The following DPY19L3 variants were observed in gnomAD, a reference collection of about 807,000 sequenced individuals.
DPY19L3 encodes dpy-19 like C-mannosyltransferase 3.
Under a neutral mutation model 92.3 loss-of-function variants are expected in DPY19L3, and 51 were observed. The observed-to-expected ratio is 0.55, with a 90% confidence interval of 0.44 to 0.70. DPY19L3 has a LOEUF of 0.70. DPY19L3 is among the 30% of genes least tolerant of loss of function. DPY19L3 has a pLI of 0.00. For synonymous variants in DPY19L3, 309 were observed against 315.2 expected, an observed-to-expected ratio of 0.98 and a Z score of 0.21; for missense variants, 706 against 855.9, an observed-to-expected ratio of 0.82 and a Z score of 2.18.
chr19:32,471,563 C>T (rs1013587819), intron 16 of DPY19L3, among the ~76,000 whole-genome samples: 59 of 152,282 alleles, frequency 3.9e-4, no homozygotes, highest in African/African-American at 1.4e-3. Flanking sequence ...CTTATCCATC[C>T]TCTTCATCAC....
intron 16 of DPY19L3, among the ~76,000 whole-genome samples, chr19:32,470,722 C>T (rs1970331334): frequency 6.6e-6 from 1 of 150,686 alleles, no homozygotes; most frequent in Admixed American, 6.6e-5. Flanking sequence ...TCCTCAGACC[C>T]TCCTTTTGCT....
At chr19:32,410,500 C>T (rs888829322) in intron 2 of DPY19L3, among the ~76,000 whole-genome samples, 1 of 152,142 alleles carries the variant, frequency 6.6e-6, no homozygotes, top group Non-Finnish European at 1.5e-5. Flanking sequence ...GGTAATCGGC[C>T]AGGTGCAGTG....
chr19:32,428,711 TG>T (rs1246210710), intron 3 of DPY19L3, among the ~76,000 whole-genome samples: 3 of 152,268 alleles, frequency 2.0e-5, no homozygotes, highest in African/African-American at 7.2e-5. Flanking sequence ...GCAACTTGTC[TG>T]AGTGCCTGTG....
intron 3 of DPY19L3, 106 bp from the exon 4 acceptor site, chr19:32,432,610 G>T: frequency 2.2e-6 from 2 of 898,114 alleles, no homozygotes. Context: ...TATATTTTCA[G>T]AGTTTTTTCT....
chr19:32,465,528 T>G (rs949663203), intron 15 of DPY19L3, among the ~76,000 whole-genome samples: 19 of 152,294 alleles, frequency 1.2e-4, no homozygotes, highest in African/African-American at 4.6e-4. Context: ...TAAATTTTAC[T>G]TTAAGTTAAA....
intron 12 of DPY19L3, among the ~76,000 whole-genome samples, chr19:32,458,965 T>G (rs1969956018): frequency 6.6e-6 from 1 of 152,226 alleles, no homozygotes; most frequent in South Asian, 2.1e-4. Context: ...GTTTCCATTA[T>G]TAGCATCCTG....
At chr19:32,445,822 G>A (rs142622715) in intron 8 of DPY19L3, among the ~76,000 whole-genome samples, 7 of 152,166 alleles carry the variant, frequency 4.6e-5, no homozygotes, top group Non-Finnish European at 8.8e-5. Flanking sequence ...CCAACATGGC[G>A]AAACCCCATC....
intron 2 of DPY19L3, among the ~76,000 whole-genome samples, chr19:32,409,263 A>G (rs1335174269): frequency 6.6e-6 from 1 of 152,222 alleles, no homozygotes; most frequent in African/African-American, 2.4e-5. Context: ...CTGCACATGT[A>G]TACCCATAAG....
chr19:32,477,110 TAGC>T (rs1435138698), intron 16 of DPY19L3, among the ~76,000 whole-genome samples: 1 of 152,156 alleles, frequency 6.6e-6, no homozygotes, highest in Non-Finnish European at 1.5e-5. Flanking sequence ...TCTGGAACAA[TAGC>T]AGGAGAGGAT....
chr19:32,406,839 A>T (rs193199278), intron 1 of DPY19L3, among the ~76,000 whole-genome samples: 4 of 152,132 alleles, frequency 2.6e-5, no homozygotes, highest in African/African-American at 7.2e-5. Flanking sequence ...TGAATTGTTT[A>T]AAAAAGTCCT....
intron 8 of DPY19L3, among the ~76,000 whole-genome samples, chr19:32,448,225 T>C (rs548859537): frequency 6.5e-4 from 99 of 152,310 alleles, no homozygotes; most frequent in African/African-American, 2.1e-3. Context: ...GAATGAGTCA[T>C]ATGTGGGTCG....
chr19:32,441,494 C>CTTTTTTTTTT (rs11326098), intron 8 of DPY19L3, among the ~76,000 whole-genome samples: 2 of 130,212 alleles, frequency 1.5e-5, no homozygotes, highest in Non-Finnish European at 1.6e-5. Flanking sequence ...ACATGTGTCT[C>CTTTTTTTTTT]TTTTTTTTTT....
chr19:32,446,025 G>A (rs1426568579), intron 8 of DPY19L3, among the ~76,000 whole-genome samples: 3 of 152,084 alleles, frequency 2.0e-5, no homozygotes, highest in Admixed American at 2.0e-4. Context: ...ATATTTGATA[G>A]CTGAAGCAAA....
intron 3 of DPY19L3, among the ~76,000 whole-genome samples, chr19:32,425,090 A>G (rs759854352): frequency 4.6e-5 from 7 of 152,268 alleles, no homozygotes; most frequent in Non-Finnish European, 7.3e-5. Flanking sequence ...AAGATGGATC[A>G]TAGGCCTAAA....
chr19:32,475,859 G>A (rs765501335), intron 16 of DPY19L3, among the ~76,000 whole-genome samples: 9 of 152,196 alleles, frequency 5.9e-5, no homozygotes, highest in Non-Finnish European at 1.3e-4. Flanking sequence ...AAGCTCTCAA[G>A]TGCAGCCAAG....
At chr19:32,437,850 T>G (rs1479498749) in intron 6 of DPY19L3, among the ~76,000 whole-genome samples, 1 of 152,084 alleles carries the variant, frequency 6.6e-6, no homozygotes, top group Non-Finnish European at 1.5e-5. Context: ...TTGTTTTTGT[T>G]TTTTGTAGAG....
chr19:32,410,874 G>A lies in DPY19L3; in HGVS notation c.104-365G>A, dbSNP rs187772601. Among the ~76,000 whole-genome samples, 42 of 152,258 alleles carry A rather than the reference G, an allele frequency of 2.8e-4. No individual in the cohort carries two copies. In the East Asian group the frequency reaches 7.5e-3, roughly 27 times the overall value. ...TTGTACCTAGATTATCTAAAAGATC[G>A]ATTACGTCCTAGACACGTAACACAT... On this transcript the variant is annotated intron_variant, in intron 2 of 18. Coordinates refer to ENST00000392250, the MANE Select transcript of DPY19L3 (RefSeq NM_001172774.2).
chr19:32,460,716 G>A (rs1438783808), intron 12 of DPY19L3, among the ~76,000 whole-genome samples: 1 of 152,150 alleles, frequency 6.6e-6, no homozygotes, highest in Non-Finnish European at 1.5e-5. Context: ...GCGATCTGTT[G>A]TTGGCCAAAA....
rs1350620253 is a variant in DPY19L3, at chr19:32,411,272, C to T, written c.137C>T (p.Ser46Leu). ...AGTAGAAGATTATGGAAGATTTTGT[C>T]ATTGACAATTGGTGGAACCATTGCC... ...CTSRRLWKIL[S>L]LTIGGTIALC... The change falls in exon 3 of 19, where the codon TCA (serine) becomes TTA (leucine). Residue 46 changes from serine (S) to leucine (L), a missense_variant. Ser to Leu is a moderately radical substitution (Grantham distance 145). Transcript: ENST00000392250. 8.1e-6 allele frequency: 13 copies of T among 1,612,700 alleles called. No homozygotes were observed. Among genetic ancestry groups the T allele is most frequent in the Non-Finnish European group, 1.1e-5 (13 of 1,179,950 alleles).
Sources: allele counts gnomAD v4.1 joint callset (sites outside exome capture counted in the v4.1 genomes callset), GRCh38; gene constraint gnomAD v4.1.1; transcripts MANE v1.5; gene names NCBI Gene and HGNC (gene_info 2026-07-23, HGNC 2026-07-21).